CTBP1: variants seen among roughly 807,000 people sequenced by gnomAD.
CTBP1 encodes C-terminal binding protein 1.
Under a neutral mutation model 42.1 loss-of-function variants are expected in CTBP1, and 11 were observed. The ratio of observed to expected loss-of-function variants is 0.26; its 90% CI spans 0.16 to 0.43. The LOEUF is 0.43. CTBP1 is among the 20% of genes least tolerant of loss of function. The pLI is 1.00. For missense variants in CTBP1, 399 were observed against 624.3 expected, an observed-to-expected ratio of 0.64 and a Z score of 3.85; for synonymous variants, 324 against 277.1, an observed-to-expected ratio of 1.17 and a Z score of -1.68.
At chr4:1,214,077 C>A (rs1728836489) in intron 7 of CTBP1, 4 of 491,876 alleles carry the variant, frequency 8.1e-6, no homozygotes, top group Non-Finnish European at 7.1e-6. Context: ...GACACTGGGG[C>A]CTCACTCTCT....
rs1271422719 is a variant in CTBP1, at chr4:1,215,751, A to C, written c.729+240T>G. 1.4e-5 allele frequency: 8 copies of C among 561,844 alleles called. No individual in the cohort carries two copies. The South Asian group carries it at 1.7e-4, about 12-fold the overall frequency. 34.8% of individuals were successfully genotyped at this position (561,844 alleles called of 1,614,324 possible). On this transcript the variant is annotated intron_variant, in intron 6 of 9. Coordinates refer to ENST00000382952, the MANE Select transcript of CTBP1 (RefSeq NM_001012614.2). ...GGCTTCAGGGGAATTTGGTGTTCAAAGGTATGAGGTTCTGTCTTGTCCAGA... is the reference window on the plus strand; with the variant it reads ...GGCTTCAGGGGAATTTGGTGTTCAACGGTATGAGGTTCTGTCTTGTCCAGA...
intron 5 of CTBP1, among the ~76,000 whole-genome samples, chr4:1,222,246 G>A (rs1253998368): frequency 2.0e-5 from 3 of 152,086 alleles, no homozygotes; most frequent in African/African-American, 7.2e-5. Context: ...TGCAGTCAAG[G>A]GTGCCAGGTG....
chr4:1,242,432 G>A, intron 1 of CTBP1: 1 of 985,450 alleles, frequency 1.0e-6, no homozygotes, highest in Non-Finnish European at 1.2e-6. Flanking sequence ...TGCCAGGCCA[G>A]AAGGGGCCAC....
intron 4 of CTBP1, among the ~76,000 whole-genome samples, chr4:1,227,164 G>A (rs949008266): frequency 8.5e-5 from 13 of 152,156 alleles, no homozygotes; most frequent in Middle Eastern, 3.4e-3. Context: ...TTCCATGTGC[G>A]TGTAGGTGCA....
In CTBP1 at chr4:1,225,369, T is replaced by A; in HGVS notation, c.505A>T (p.Ile169Phe). 1 of 1,559,394 alleles carries A rather than the reference T, an allele frequency of 6.4e-7. No individual in the cohort carries two copies. The highest frequency in any genetic ancestry group is 8.6e-7 in the Non-Finnish European group (1 of 1,157,474). Reference sequence around the variant, plus strand: ...GCTGCGGCCGACGCACCAAGTCCGATGATGCCCAAGGTCTCCCCGCGGATC... The same window carrying A: ...GCTGCGGCCGACGCACCAAGTCCGAAGATGCCCAAGGTCTCCCCGCGGATC... ...ARIRGETLGI[I>F]GLGRVGQAVA... The change falls in exon 5 of 10, where the codon ATC becomes TTC. Residue 169 changes from isoleucine (I) to phenylalanine (F), a missense_variant. Transcript: ENST00000382952.
At position 1,228,701 on chromosome 4, in the gene CTBP1, C is replaced by T. The variant is rs777188412; in HGVS notation, c.163-358G>A. Among the ~76,000 whole-genome samples, 215 of 124,026 alleles carry T rather than the reference C, an allele frequency of 1.7e-3. 8 individuals carry two copies. Among genetic ancestry groups the T allele is most frequent in the Non-Finnish European group, 5.5e-4 (30 of 55,024 alleles). The allele number at this position is 124,026 out of a possible 152,430, so 81.4% of individuals were successfully genotyped here. ...CAGCCTTGTGGAAGAAACGGGGTCCCGCCTGGCGAGGACACAGGAGGGGGG... is the reference window on the plus strand; with the variant it reads ...CAGCCTTGTGGAAGAAACGGGGTCCTGCCTGGCGAGGACACAGGAGGGGGG... On this transcript the variant is annotated intron_variant, in intron 3 of 9. Coordinates refer to ENST00000382952, the MANE Select transcript of CTBP1 (RefSeq NM_001012614.2).
At chr4:1,246,408 C>T (rs936944467) in intron 1 of CTBP1, among the ~76,000 whole-genome samples, 2 of 152,350 alleles carry the variant, frequency 1.3e-5, no homozygotes, top group South Asian at 4.1e-4. Context: ...TCAGCACCAC[C>T]TGGATGGAGC....
rs1728619370 is a variant in CTBP1 at position 1,212,310 on chromosome 4, G to A, written c.1220C>T (p.Pro407Leu). Reference sequence around the variant, plus strand: ...GGTTTGGCCAGGAGAAGGGGCGTGGGGCGGGTGGGCCACAGGGGGCAGGCC... The same window carrying A: ...GGTTTGGCCAGGAGAAGGGGCGTGGAGCGGGTGGGCCACAGGGGGCAGGCC... ...SHGLPPVAHP[P>L]HAPSPGQTVK... The change falls in exon 10 of 10, where the codon CCC becomes CTC. Residue 407 changes from proline to leucine, a missense_variant. Coordinates refer to ENST00000382952, the MANE Select transcript of CTBP1 (RefSeq NM_001012614.2). 2 of 1,530,184 alleles carry A rather than the reference G, an allele frequency of 1.3e-6. No individual in the cohort carries two copies. The highest frequency in any genetic ancestry group is 1.8e-6 in the Non-Finnish European group (2 of 1,141,864). The allele number at this position is 1,530,184 out of a possible 1,614,324, so 94.8% of individuals were successfully genotyped here.
At chr4:1,248,771 G>A (rs1452390800) in intron 1 of CTBP1, 145 bp downstream of exon 1, 3 of 970,158 alleles carry the variant, frequency 3.1e-6, no homozygotes, top group Non-Finnish European at 3.7e-6. Context: ...GGCCACGCGC[G>A]GACGCCGGCG....
intron 2 of CTBP1, among the ~76,000 whole-genome samples, chr4:1,239,167 G>T (rs3755937): frequency 6.6e-6 from 1 of 152,176 alleles, no homozygotes; most frequent in Non-Finnish European, 1.5e-5. Flanking sequence ...CGCGTATGAC[G>T]CAACTAAGCC....
At chr4:1,244,053 G>A (rs1196802327) in intron 1 of CTBP1, 6 of 985,312 alleles carry the variant, frequency 6.1e-6, no homozygotes, top group Non-Finnish European at 7.2e-6. Flanking sequence ...GGTGAGGTGA[G>A]GGGCAGCAGC....
At chr4:1,224,012 C>T (rs1560245783) in intron 5 of CTBP1, among the ~76,000 whole-genome samples, 3 of 152,188 alleles carry the variant, frequency 2.0e-5, no homozygotes, top group South Asian at 2.1e-4. Flanking sequence ...ATAGGGCCAG[C>T]GCCAGGGGCA....
intron 1 of CTBP1, chr4:1,243,889 T>G: frequency 2.0e-6 from 2 of 985,440 alleles, no homozygotes; most frequent in Non-Finnish European, 2.4e-6. Context: ...AGTCTCCAGC[T>G]TCTCACCCTG....
chr4:1,213,437 G>T, intron 8 of CTBP1, 41 bp downstream of exon 8: 1 of 1,601,870 alleles, frequency 6.2e-7, no homozygotes, highest in South Asian at 1.1e-5. Flanking sequence ...GGGCTGGCAG[G>T]AAGGGACCCC....
chr4:1,223,023 C>T (rs987907697), intron 5 of CTBP1, among the ~76,000 whole-genome samples: 18 of 152,172 alleles, frequency 1.2e-4, no homozygotes, highest in Non-Finnish European at 5.9e-5. Flanking sequence ...GCAGGCAAGG[C>T]ACACATGAGG....
chr4:1,212,907 G>A lies in CTBP1; in HGVS notation c.1106+6C>T, dbSNP rs746250229. 4 of 1,612,056 alleles carry A rather than the reference G, an allele frequency of 2.5e-6. No individual in the cohort carries two copies. The South Asian group carries it at 3.3e-5, about 13-fold the overall frequency. ...GAGGCTGTTCTGGGCCAGCGGGCCT[G>A]CTCACCTATAGGCAGCCCCATTGAG... is the stretch of plus-strand genomic sequence containing the variant. On this transcript the variant is annotated splice_donor_region_variant and intron_variant, in intron 9 of 9. Coordinates refer to ENST00000382952, the MANE Select transcript of CTBP1 (RefSeq NM_001012614.2).
chr4:1,212,872 G>T, intron 9 of CTBP1, 41 bp downstream of exon 9: 1 of 1,543,276 alleles, frequency 6.5e-7, no homozygotes. Context: ...GGAAGCCTGG[G>T]GCCCTCCTGG....
chr4:1,214,146 A>G (rs1374979235), intron 7 of CTBP1, 197 bp downstream of exon 7: 2 of 658,312 alleles, frequency 3.0e-6, no homozygotes, highest in Non-Finnish European at 4.7e-6. Context: ...AGCCCCTCAC[A>G]GGACCGAGGC....
chr4:1,214,100 G>A, intron 7 of CTBP1: 1 of 527,304 alleles, frequency 1.9e-6, no homozygotes, highest in Non-Finnish European at 3.2e-6. Context: ...TGGTTGGTCA[G>A]GAGCCCTGCC....
Sources: allele counts gnomAD v4.1 joint callset (sites outside exome capture counted in the v4.1 genomes callset), GRCh38; gene constraint gnomAD v4.1.1; transcripts MANE v1.5; gene names NCBI Gene and HGNC (gene_info 2026-07-23, HGNC 2026-07-21).